The following EPHA5 variants were observed in gnomAD, a reference collection of about 807,000 sequenced individuals.
The protein encoded by EPHA5 is ephrin type-A receptor 5.
Under a neutral mutation model 105.0 loss-of-function variants are expected in EPHA5, and 60 were observed. The ratio of observed to expected loss-of-function variants is 0.57; its 90% CI spans 0.46 to 0.71. The LOEUF (loss-of-function observed/expected upper bound fraction) is 0.71. Ranked by LOEUF, EPHA5 falls within the 30% of genes least tolerant of loss-of-function variation. The probability of loss-of-function intolerance (pLI) is 0.00; values close to 1 mark genes in which losing one functional copy is unlikely to be tolerated. For missense variants in EPHA5, 1,218 were observed against 1,274.7 expected (o/e 0.96, Z 0.68); for synonymous variants, 513 against 449.1 (o/e 1.14, Z -1.80).
At chr4:65,429,037 C>G (rs891805916) in intron 5 of EPHA5, among the ~76,000 whole-genome samples, 18 of 151,904 alleles carry the variant, frequency 1.2e-4, no homozygotes, top group Non-Finnish European at 2.9e-5. Flanking sequence ...GTTTTCCATT[C>G]ATTACTTGTT....
At chr4:65,495,568 G>T (rs1040775970) in intron 3 of EPHA5, 25 bp from the exon 4 acceptor site, 2 of 1,591,946 alleles carry the variant, frequency 1.3e-6, no homozygotes, top group Non-Finnish European at 1.7e-6. Flanking sequence ...AAGAGACTAA[G>T]CTTTTCCCTG....
chr4:65,399,335 C>T (rs747460620), intron 8 of EPHA5, among the ~76,000 whole-genome samples: 13 of 152,206 alleles, frequency 8.5e-5, no homozygotes, highest in Admixed American at 2.6e-4. Context: ...TGCTCACTCA[C>T]TCATGCACCC....
rs2148854848 is a variant in EPHA5, at chr4:65,351,490, C to A, written c.2344G>T (p.Ala782Ser). ...TTACTGTTGATTAAGATGTTTCTGG[C>A]AGCAAGATCTCTATGCACATAGCCC... ...DMGYVHRDLA[A>S]RNILINSNLV... The change falls in exon 13 of 17, where the codon GCC becomes TCC. Residue 782 changes from alanine (A) to serine (S), a missense_variant. By Grantham distance (99) the Ala-to-Ser change is moderately conservative. Coordinates refer to ENST00000613740, the MANE Select transcript of EPHA5 (RefSeq NM_001281766.3). 1 of 1,613,798 alleles carries A rather than the reference C, an allele frequency of 6.2e-7. No homozygotes were observed. Among genetic ancestry groups the A allele is most frequent in the Non-Finnish European group, 8.5e-7 (1 of 1,179,836 alleles).
chr4:65,452,774 C>T (rs1171557370), intron 5 of EPHA5, among the ~76,000 whole-genome samples: 2 of 152,056 alleles, frequency 1.3e-5, no homozygotes, highest in Non-Finnish European at 2.9e-5. Flanking sequence ...TTAGTGTATT[C>T]AAAAGATTCA....
chr4:65,330,687 A>T, intron 16 of EPHA5: 1 of 833,066 alleles, frequency 1.2e-6, no homozygotes, highest in Non-Finnish European at 1.5e-6. Flanking sequence ...TTTACTGAAA[A>T]ATTAAATAGC....
chr4:65,491,382 T>G (rs1305684995), intron 4 of EPHA5, among the ~76,000 whole-genome samples: 1 of 152,094 alleles, frequency 6.6e-6, no homozygotes, highest in East Asian at 1.9e-4. Flanking sequence ...GAATTTTATT[T>G]AATTGAAAAT....
intron 3 of EPHA5, among the ~76,000 whole-genome samples, chr4:65,573,080 G>T (rs1740378205): frequency 6.6e-6 from 1 of 151,692 alleles, no homozygotes; most frequent in Admixed American, 6.6e-5. Flanking sequence ...GATAATTCTG[G>T]AAGTTATGTT....
chr4:65,366,356 G>A (rs1467356951), intron 9 of EPHA5, among the ~76,000 whole-genome samples: 1 of 151,676 alleles, frequency 6.6e-6, no homozygotes, highest in Non-Finnish European at 1.5e-5. Flanking sequence ...TCACCGAACT[G>A]GACAATGCAA....
intron 3 of EPHA5, among the ~76,000 whole-genome samples, chr4:65,517,657 G>C (rs1734237217): frequency 6.6e-6 from 1 of 151,290 alleles, no homozygotes; most frequent in South Asian, 2.1e-4. Context: ...CTTTAATCTT[G>C]TCTTCCTAGC....
chr4:65,544,642 G>T (rs979882299), intron 3 of EPHA5, among the ~76,000 whole-genome samples: 1 of 151,990 alleles, frequency 6.6e-6, no homozygotes, highest in Non-Finnish European at 1.5e-5. Flanking sequence ...ATGTAAATTC[G>T]TTCAACATTG....
chr4:65,595,602 A>G (rs1743094845), intron 3 of EPHA5, among the ~76,000 whole-genome samples: 1 of 141,586 alleles, frequency 7.1e-6, no homozygotes, highest in Admixed American at 7.1e-5. Context: ...TTTTTTTGAG[A>G]CGGAGCCTAA....
chr4:65,555,208 A>G (rs1738308646), intron 3 of EPHA5, among the ~76,000 whole-genome samples: 1 of 151,918 alleles, frequency 6.6e-6, no homozygotes, highest in Non-Finnish European at 1.5e-5. Context: ...AGCAATGGAT[A>G]TGTGTGTTCA....
chr4:65,578,119 A>T (rs777473417), intron 3 of EPHA5, among the ~76,000 whole-genome samples: 15 of 152,196 alleles, frequency 9.9e-5, no homozygotes, highest in Non-Finnish European at 1.8e-4. Flanking sequence ...ATCTATCTCT[A>T]TCCAAACACC....
At chr4:65,559,013 C>T (rs1396784186) in intron 3 of EPHA5, among the ~76,000 whole-genome samples, 1 of 151,966 alleles carries the variant, frequency 6.6e-6, no homozygotes, top group Non-Finnish European at 1.5e-5. Flanking sequence ...ACAACATATC[C>T]ATGTAACAAA....
chr4:65,461,712 A>G (rs1376348566), intron 5 of EPHA5, among the ~76,000 whole-genome samples: 2 of 152,076 alleles, frequency 1.3e-5, no homozygotes, highest in Non-Finnish European at 2.9e-5. Context: ...AAGTAAAATG[A>G]CACATTTAAT....
chr4:65,533,566 C>T (rs1736020126), intron 3 of EPHA5, among the ~76,000 whole-genome samples: 1 of 152,064 alleles, frequency 6.6e-6, no homozygotes, highest in Admixed American at 6.6e-5. Flanking sequence ...AATATTATAA[C>T]TAAAATTGTG....
intron 2 of EPHA5, among the ~76,000 whole-genome samples, chr4:65,638,670 C>T (rs183636630): frequency 3.1e-3 from 473 of 152,204 alleles, no homozygotes; most frequent in Middle Eastern, 6.8e-3. Context: ...ACCCAGGAGG[C>T]GGAGGTTGCG....
intron 5 of EPHA5, among the ~76,000 whole-genome samples, chr4:65,424,885 TC>T (rs1272964871): frequency 1.3e-5 from 2 of 152,210 alleles, no homozygotes; most frequent in East Asian, 3.9e-4. Context: ...TAGAACAATA[TC>T]TTCCTCATTC....
chr4:65,667,992 C>T (rs1750098021), intron 1 of EPHA5, among the ~76,000 whole-genome samples: 1 of 152,072 alleles, frequency 6.6e-6, no homozygotes, highest in Non-Finnish European at 1.5e-5. Context: ...AAAAGGTCTA[C>T]GACTCTCAAA....
Sources: gnomAD v4.1 joint callset for allele counts (sites outside exome capture counted in the v4.1 genomes callset) on GRCh38, gnomAD v4.1.1 for gene constraint, MANE v1.5 for transcripts, NCBI Gene and HGNC (gene_info 2026-07-23, HGNC 2026-07-21) for gene names.